The following STAM variants were observed in gnomAD, a reference collection of about 807,000 sequenced individuals.
STAM encodes signal transducing adapter molecule 1.
STAM carries 16 observed loss-of-function variants against 63.4 expected under a neutral mutation model. That is an observed-to-expected ratio of 0.25 (90% CI 0.17 to 0.38). The LOEUF is 0.38. Ranked by LOEUF, STAM falls within the 10% of genes least tolerant of loss-of-function variation. STAM has a pLI of 1.00. For missense variants in STAM, 636 were observed against 657.1 expected, an observed-to-expected ratio of 0.97 and a Z score of 0.35; for synonymous variants, 238 against 223.9, an observed-to-expected ratio of 1.06 and a Z score of -0.56.
chr10:17,691,785 C>T (rs1835547208), intron 5 of STAM, among the ~76,000 whole-genome samples: 1 of 152,154 alleles, frequency 6.6e-6, no homozygotes, highest in Admixed American at 6.5e-5. Flanking sequence ...AAGTGCTGTA[C>T]ATGTGGCAAT....
intron 2 of STAM, among the ~76,000 whole-genome samples, chr10:17,673,329 A>G (rs538124500): frequency 6.6e-6 from 1 of 152,324 alleles, no homozygotes; most frequent in South Asian, 2.1e-4. Context: ...TTGGTAATAA[A>G]TAGAACTTTA....
intron 1 of STAM, among the ~76,000 whole-genome samples, chr10:17,658,842 A>G (rs1834048229): frequency 6.6e-6 from 1 of 152,164 alleles, no homozygotes; most frequent in Non-Finnish European, 1.5e-5. Flanking sequence ...AGTTTCTTAT[A>G]GACAACATAC....
At position 17,659,595 on chromosome 10, in the gene STAM, G is replaced by A. The variant is rs554523720; in HGVS notation, c.41-869G>A. On this transcript the variant is annotated intron_variant, in intron 1 of 13. Coordinates refer to ENST00000377524, the MANE Select transcript of STAM (RefSeq NM_003473.4). ...GTGATCCTCCCACTTCAGCCTTCTC[G>A]GTAGCTGGGAATACAGGTGCATGCC... Among the ~76,000 whole-genome samples the A allele has an allele frequency of 1.6e-3, 236 of 149,896 alleles. 1 individual carries two copies. The highest frequency in any genetic ancestry group is 5.6e-3 in the African/African-American group (228 of 40,738).
intron 13 of STAM, among the ~76,000 whole-genome samples, chr10:17,712,981 T>A (rs1412740072): frequency 1.3e-5 from 2 of 152,140 alleles, no homozygotes; most frequent in Non-Finnish European, 2.9e-5. Context: ...AATGAGGTTA[T>A]GAGGCCTTCC....
intron 2 of STAM, among the ~76,000 whole-genome samples, chr10:17,667,128 A>ATTT (rs34207861): frequency 6.7e-6 from 1 of 148,758 alleles, no homozygotes; most frequent in Non-Finnish European, 1.5e-5. Flanking sequence ...GAGTTAAATA[A>ATTT]TTTTTTTTTT....
At chr10:17,688,262 A>C (rs1835377193) in intron 5 of STAM, 89 bp downstream of exon 5, 1 of 1,288,866 alleles carries the variant, frequency 7.8e-7, no homozygotes, top group South Asian at 2.2e-5. Context: ...ATTCCCAGGT[A>C]ATTTTTACTA....
At chr10:17,653,789 G>A (rs571336374) in intron 1 of STAM, among the ~76,000 whole-genome samples, 1 of 152,240 alleles carries the variant, frequency 6.6e-6, no homozygotes, top group African/African-American at 2.4e-5. Flanking sequence ...TTTTATATTA[G>A]GGACTTGAGC....
chr10:17,710,030 T>C (rs1554829922), intron 13 of STAM, among the ~76,000 whole-genome samples: 1 of 150,728 alleles, frequency 6.6e-6, no homozygotes, highest in East Asian at 2.0e-4. Flanking sequence ...ACAGCTGTTC[T>C]TAGAGTAGCA....
chr10:17,664,376 C>T (rs1367661110), intron 2 of STAM, among the ~76,000 whole-genome samples: 1 of 152,104 alleles, frequency 6.6e-6, no homozygotes, highest in African/African-American at 2.4e-5. Flanking sequence ...CAGAACTTAT[C>T]CATCATCCCA....
chr10:17,700,286 G>T lies in STAM; in HGVS notation c.912+7G>T. On this transcript the variant is annotated splice_region_variant and intron_variant, in intron 9 of 13. Transcript: ENST00000377524. ...ACCAGCCTTTATTGATGAAGTAAGTGGTTTCCATGGTGATAGGAGTTGGTA... is the reference window on the plus strand; with the variant it reads ...ACCAGCCTTTATTGATGAAGTAAGTTGTTTCCATGGTGATAGGAGTTGGTA... 3 of 1,595,334 alleles carry T rather than the reference G, an allele frequency of 1.9e-6. No individual in the cohort carries two copies. The highest frequency in any genetic ancestry group is 1.3e-5 in the African/African-American group (1 of 74,162).
At chr10:17,689,809 G>T (rs1403501846) in intron 5 of STAM, among the ~76,000 whole-genome samples, 1 of 152,174 alleles carries the variant, frequency 6.6e-6, no homozygotes, top group African/African-American at 2.4e-5. Flanking sequence ...TGTTAGAAAT[G>T]CAGCATGGTT....
intron 5 of STAM, among the ~76,000 whole-genome samples, chr10:17,690,091 G>A (rs926913063): frequency 6.6e-6 from 1 of 152,226 alleles, no homozygotes; most frequent in Non-Finnish European, 1.5e-5. Context: ...CATTTTTACA[G>A]ATGAGGAAAC....
At position 17,669,759 on chromosome 10, in the gene STAM, G is replaced by A. The variant is rs868968765; in HGVS notation, c.125+9211G>A. On this transcript the variant is annotated intron_variant, in intron 2 of 13. Coordinates refer to ENST00000377524, the MANE Select transcript of STAM (RefSeq NM_003473.4). ...GTCACCCAGGCTGTAGTGCAGTGGCGCAATCTCAGCTCACCGCAAATGCCG... is the reference window on the plus strand; with the variant it reads ...GTCACCCAGGCTGTAGTGCAGTGGCACAATCTCAGCTCACCGCAAATGCCG... 2.7e-5 allele frequency among the ~76,000 whole-genome samples: 4 copies of A among 149,260 alleles called. No homozygotes were observed. In the East Asian group the frequency reaches 5.9e-4, roughly 22 times the overall value.
At position 17,647,562 on chromosome 10, in the gene STAM, C is replaced by G. The variant is rs548746884; in HGVS notation, c.40+3183C>G. ...TTTAGCTTAGTGTTAAGAATTCAGACTGGGGCCACACTGCTTGGATTCAGT... is the reference window on the plus strand; with the variant it reads ...TTTAGCTTAGTGTTAAGAATTCAGAGTGGGGCCACACTGCTTGGATTCAGT... On this transcript the variant is annotated intron_variant, in intron 1 of 13. Transcript: ENST00000377524. Among the ~76,000 whole-genome samples, 53 of 151,980 alleles carry G rather than the reference C, an allele frequency of 3.5e-4. No individual in the cohort carries two copies. In the South Asian group the frequency reaches 0.011, roughly 31 times the overall value.
At chr10:17,647,280 A>G (rs1245986867) in intron 1 of STAM, among the ~76,000 whole-genome samples, 6 of 152,174 alleles carry the variant, frequency 3.9e-5, no homozygotes, top group Admixed American at 6.5e-5. Context: ...GTCTCTAGTG[A>G]CTTCCACCTT....
At position 17,696,874 on chromosome 10, in the gene STAM, G is replaced by C; in HGVS notation, c.823+5G>C. The C allele has an allele frequency of 1.2e-6, 2 of 1,600,756 alleles. No homozygotes were observed. The highest frequency in any genetic ancestry group is 1.7e-6 in the Non-Finnish European group (2 of 1,168,184). On this transcript the variant is annotated splice_donor_5th_base_variant and intron_variant, in intron 8 of 13. Transcript: ENST00000377524. ...TCACTGCTGAACCAGAAATGAGTAA[G>C]TATTTTCCAGCCTGCCAATAAATGA...
intron 2 of STAM, among the ~76,000 whole-genome samples, chr10:17,663,326 TTAG>T (rs1269438941): frequency 6.6e-6 from 1 of 152,138 alleles, no homozygotes; most frequent in Non-Finnish European, 1.5e-5. Context: ...ATCAATAGGT[TTAG>T]ACACATGCTC....
At chr10:17,687,202 C>T (rs61842334) in intron 4 of STAM, among the ~76,000 whole-genome samples, 6,931 of 152,188 alleles carry the variant, frequency 0.046, 204 homozygotes, top group Middle Eastern at 0.14. Context: ...GGGCTGGGCA[C>T]GGTGGCTCAT....
chr10:17,653,219 A>G (rs180863997), intron 1 of STAM, among the ~76,000 whole-genome samples: 64 of 152,292 alleles, frequency 4.2e-4, no homozygotes, highest in Non-Finnish European at 8.4e-4. Flanking sequence ...TGACACCCCA[A>G]TTGTAGAATC....
Sources: gnomAD v4.1 joint callset for allele counts (sites outside exome capture counted in the v4.1 genomes callset) on GRCh38, gnomAD v4.1.1 for gene constraint, MANE v1.5 for transcripts, NCBI Gene and HGNC (gene_info 2026-07-23, HGNC 2026-07-21) for gene names.